CD34: variants seen among roughly 807,000 people sequenced by gnomAD.
The protein encoded by CD34 is hematopoietic progenitor cell antigen CD34.
Under a neutral mutation model 40.1 loss-of-function variants are expected in CD34, and 34 were observed. That is an observed-to-expected ratio of 0.85 (90% CI 0.65 to 1.13). CD34 has a LOEUF of 1.13. CD34 is among the 50% of genes most tolerant of loss of function. CD34 has a pLI of 0.00. For synonymous variants in CD34, 209 were observed against 190.0 expected (o/e 1.10, Z -0.82); for missense variants, 426 against 466.9 (o/e 0.91, Z 0.81).
chr1:207,903,344 C>G (rs1351196376), intron 1 of CD34, among the ~76,000 whole-genome samples: 1 of 152,212 alleles, frequency 6.6e-6, no homozygotes, highest in African/African-American at 2.4e-5. Context: ...GCCTACCAGT[C>G]AGTGAGAGCT....
At chr1:207,893,368 A>G (rs559302643) in intron 4 of CD34, among the ~76,000 whole-genome samples, 2 of 152,278 alleles carry the variant, frequency 1.3e-5, no homozygotes, top group Admixed American at 1.3e-4. Context: ...AGATTCTAGG[A>G]TCAATCATCT....
intron 1 of CD34, 25 bp from the exon 2 acceptor site, chr1:207,900,028 T>C (rs376752045): frequency 6.5e-4 from 1,022 of 1,573,292 alleles, no homozygotes; most frequent in Non-Finnish European, 8.3e-4. Context: ...GGAGGAAGAA[T>C]CAGAACCTAA....
Position 207,899,198 on chromosome 1 carries a change from A to G in CD34, c.291T>C (p.Ser97=). ...TETTVKFTST[S]VITSVYGNTN... ...TGTTTCCATAAACTGAGGTTATCAC[A>G]GAGGTAGATGTGAATTTGACTGTCG... The change falls in exon 3 of 8, where the codon TCT becomes TCC. Residue 97 remains serine, a synonymous_variant. Transcript: ENST00000310833. 4 of 1,614,182 alleles carry G rather than the reference A, an allele frequency of 2.5e-6. No individual in the cohort carries two copies. The highest frequency in any genetic ancestry group is 3.4e-6 in the Non-Finnish European group (4 of 1,179,982).
Position 207,904,247 on chromosome 1 carries a change from T to C in CD34, c.80-4244A>G, listed in dbSNP as rs150103683. Among the ~76,000 whole-genome samples the C allele has an allele frequency of 4.7e-3, 710 of 152,320 alleles. 2 individuals carry two copies. The highest frequency in any genetic ancestry group is 0.014 in the Middle Eastern group (4 of 294). On this transcript the variant is annotated intron_variant, in intron 1 of 7. Transcript: ENST00000310833. The stretch of plus-strand genomic sequence containing the variant: ...TTCCTGATCTCCTAGCCTGCCAGTC[T>C]TATTTTGCCCATGCTTTCATATTCT...
At chr1:207,910,177 A>C (rs1296479569) in intron 1 of CD34, among the ~76,000 whole-genome samples, 2 of 152,138 alleles carry the variant, frequency 1.3e-5, no homozygotes, top group Non-Finnish European at 2.9e-5. Flanking sequence ...GGATATGTGT[A>C]GGTGAGTGGG....
chr1:207,893,064 C>T (rs542031694), intron 4 of CD34, among the ~76,000 whole-genome samples: 1 of 152,160 alleles, frequency 6.6e-6, no homozygotes, highest in African/African-American at 2.4e-5. Flanking sequence ...AATAAACATC[C>T]TCCCCCAAGA....
chr1:207,901,861 G>A (rs751281617), intron 1 of CD34, among the ~76,000 whole-genome samples: 8 of 151,972 alleles, frequency 5.3e-5, no homozygotes, highest in Non-Finnish European at 1.2e-4. Context: ...AGCCTCTGAG[G>A]GTCCCAGGCC....
intron 4 of CD34, among the ~76,000 whole-genome samples, chr1:207,895,550 C>T (rs1277673015): frequency 6.6e-6 from 1 of 152,214 alleles, no homozygotes; most frequent in Non-Finnish European, 1.5e-5. Context: ...GAGACCTTCT[C>T]AGCTGTGGCA....
chr1:207,887,479 C>T lies in CD34; in HGVS notation c.*259G>A. On this transcript the variant is annotated 3_prime_UTR_variant, in exon 8 of 8. Coordinates refer to ENST00000310833, the MANE Select transcript of CD34 (RefSeq NM_001025109.2). ...GGCCATCGATTGTTCCTGGGAGCTT[C>T]TCCAGACCTTGGCTTTCCCCCGTCA... The T allele has an allele frequency of 2.0e-6, 1 of 498,490 alleles. No homozygotes were observed. Among genetic ancestry groups the T allele is most frequent in the East Asian group, 3.4e-5 (1 of 29,136 alleles). The allele number at this position is 498,490 out of a possible 1,614,324, so 30.9% of individuals were successfully genotyped here.
At chr1:207,896,624 A>G (rs1329204627) in intron 4 of CD34, among the ~76,000 whole-genome samples, 2 of 152,188 alleles carry the variant, frequency 1.3e-5, no homozygotes, top group Non-Finnish European at 2.9e-5. Context: ...TATGACATCC[A>G]TCAAATCTAG....
In CD34 at chr1:207,881,825, GAAT is replaced by G. The variant is rs1210546568; in HGVS notation, c.*5910_*5912del. 1 of 151,906 alleles carries G rather than the reference GAAT, an allele frequency of 6.6e-6. No homozygotes were observed. The highest frequency in any genetic ancestry group is 1.5e-5 in the Non-Finnish European group (1 of 67,988). The allele number at this position is 151,906 out of a possible 1,614,324, so 9.4% of individuals were successfully genotyped here. On this transcript the variant is annotated 3_prime_UTR_variant, in exon 8 of 8. Transcript: ENST00000310833. ...GCATTACTTACATTATCATGTAATT[GAAT>G]AATTATTGTTATTTTTAAACAAATT...
At chr1:207,899,312 C>T in intron 2 of CD34, 86 bp from the exon 3 acceptor site, 3 of 1,412,782 alleles carry the variant, frequency 2.1e-6, no homozygotes, top group Non-Finnish European at 2.9e-6. Flanking sequence ...GCATGCACTT[C>T]AACACAGAAA....
At chr1:207,906,284 G>T (rs1401601829) in intron 1 of CD34, among the ~76,000 whole-genome samples, 3 of 152,172 alleles carry the variant, frequency 2.0e-5, no homozygotes, top group African/African-American at 7.2e-5. Context: ...AGTGTAAAAT[G>T]ATGTAGCTAT....
intron 7 of CD34, 99 bp downstream of exon 7, chr1:207,888,583 C>T: frequency 8.4e-7 from 1 of 1,191,586 alleles, no homozygotes; most frequent in Non-Finnish European, 1.2e-6. Flanking sequence ...CACAGAAGGG[C>T]TTTTTCTAGT....
chr1:207,908,904 C>T (rs1018061701), intron 1 of CD34, among the ~76,000 whole-genome samples: 4 of 152,144 alleles, frequency 2.6e-5, no homozygotes, highest in African/African-American at 9.7e-5. Flanking sequence ...GAAAACAAAC[C>T]ACAGAAATCC....
intron 1 of CD34, among the ~76,000 whole-genome samples, chr1:207,909,900 G>C (rs1439868642): frequency 6.6e-6 from 1 of 152,246 alleles, no homozygotes; most frequent in African/African-American, 2.4e-5. Context: ...CAACAGAGGA[G>C]ACTGGGAACA....
In CD34 at chr1:207,884,810, C is replaced by G. The variant is rs1185287783; in HGVS notation, c.*2928G>C. 6.6e-6 allele frequency: 1 copy of G among 152,184 alleles called. No homozygotes were observed. Among genetic ancestry groups the G allele is most frequent in the Non-Finnish European group, 1.5e-5 (1 of 68,070 alleles). 9.4% of individuals were successfully genotyped at this position (152,184 alleles called of 1,614,324 possible). The stretch of plus-strand genomic sequence containing the variant: ...CCTCATGGCCTCCTGTGATCTTTGT[C>G]CTGGGGCTCCTCCAGGACCTGCTTG... On this transcript the variant is annotated 3_prime_UTR_variant, in exon 8 of 8. Transcript: ENST00000310833.
chr1:207,891,218 C>T (rs1189871987), intron 4 of CD34, among the ~76,000 whole-genome samples: 1 of 152,184 alleles, frequency 6.6e-6, no homozygotes, highest in Non-Finnish European at 1.5e-5. Context: ...AGAAGCCACA[C>T]CTTGACAATG....
At chr1:207,910,022 T>C (rs775640417) in intron 1 of CD34, among the ~76,000 whole-genome samples, 3 of 152,244 alleles carry the variant, frequency 2.0e-5, no homozygotes, top group Non-Finnish European at 4.4e-5. Flanking sequence ...GAGAGCAATG[T>C]ACAAAGTTTC....
Sources: gnomAD v4.1 joint callset for allele counts (sites outside exome capture counted in the v4.1 genomes callset) on GRCh38, gnomAD v4.1.1 for gene constraint, MANE v1.5 for transcripts, NCBI Gene and HGNC (gene_info 2026-07-23, HGNC 2026-07-21) for gene names.